SLC25A28: variants seen among roughly 807,000 people sequenced by gnomAD.
The protein encoded by SLC25A28 is solute carrier family 25 member 28, also known as mitoferrin-2.
A neutral mutation model predicts 31.9 loss-of-function variants in SLC25A28; 10 were observed. That is an observed-to-expected ratio of 0.31 (90% CI 0.19 to 0.53). The LOEUF is 0.53. Ranked by LOEUF, SLC25A28 falls within the 20% of genes least tolerant of loss-of-function variation. SLC25A28 has a pLI of 0.95. For missense variants in SLC25A28, 256 were observed against 490.3 expected, an observed-to-expected ratio of 0.52 and a Z score of 4.51; for synonymous variants, 208 against 203.6, an observed-to-expected ratio of 1.02 and a Z score of -0.19.
chr10:99,647,135 T>C, the SLC25A28 span, among the ~76,000 whole-genome samples: 61,836 of 152,102 alleles, frequency 0.41, 12,830 homozygotes, highest in East Asian at 0.6. Flanking sequence ...TTAATGCAGA[T>C]ATCTTTTTGA....
chr10:99,622,553 C>T, upstream of SLC25A28: 1 of 681,004 alleles, frequency 1.5e-6, no homozygotes, highest in Non-Finnish European at 1.8e-6. Context: ...ATTCATTGGT[C>T]ATAAATGACC....
the SLC25A28 span, among the ~76,000 whole-genome samples, chr10:99,635,377 C>T: frequency 3.9e-5 from 6 of 152,080 alleles, no homozygotes; most frequent in South Asian, 2.1e-4. Flanking sequence ...ACAGAGCTGC[C>T]GAATGGATAA....
chr10:99,637,519 C>A, the SLC25A28 span, among the ~76,000 whole-genome samples: 2 of 152,074 alleles, frequency 1.3e-5, no homozygotes, highest in Admixed American at 1.3e-4. Flanking sequence ...ACAATATGAT[C>A]GTTTACCTTG....
chr10:99,648,686 G>GTTT, the SLC25A28 span, among the ~76,000 whole-genome samples: 930 of 119,768 alleles, frequency 7.8e-3, 14 homozygotes, highest in African/African-American at 0.02. Flanking sequence ...ATATTCCTAG[G>GTTT]TTTTTTTTTT....
chr10:99,659,156 T>C, the SLC25A28 span, among the ~76,000 whole-genome samples: 1 of 152,188 alleles, frequency 6.6e-6, no homozygotes, highest in Non-Finnish European at 1.5e-5. This position sits in a 1 kb window ranked among gnomAD's most constrained non-coding sequence, Gnocchi z 4.1. Context: ...GGAGCTACTC[T>C]GTCCCAGGAG....
the SLC25A28 span, among the ~76,000 whole-genome samples, chr10:99,627,170 G>A: frequency 2.6e-5 from 4 of 152,040 alleles, no homozygotes; most frequent in Non-Finnish European, 1.5e-5. Flanking sequence ...GAACCAGGGA[G>A]GCAGAGGTTG....
chr10:99,641,136 G>A, the SLC25A28 span, among the ~76,000 whole-genome samples: 116 of 152,242 alleles, frequency 7.6e-4, no homozygotes, highest in African/African-American at 2.6e-3. Context: ...TTGAGGAATC[G>A]CCACACTATC....
At chr10:99,616,894 T>C in intron 1 of SLC25A28, 1 of 935,764 alleles carries the variant, frequency 1.1e-6, no homozygotes, top group Non-Finnish European at 1.3e-6. Flanking sequence ...TGAATAAATG[T>C]ATGTAAGGTA....
At chr10:99,651,541 T>C in the SLC25A28 span, among the ~76,000 whole-genome samples, 24 of 152,048 alleles carry the variant, frequency 1.6e-4, no homozygotes, top group African/African-American at 5.5e-4. Context: ...ATCTTTTCAT[T>C]CTCTTAGTAG....
At chr10:99,642,516 G>T in the SLC25A28 span, among the ~76,000 whole-genome samples, 1 of 152,172 alleles carries the variant, frequency 6.6e-6, no homozygotes, top group African/African-American at 2.4e-5. Context: ...TCCGCAAACA[G>T]GGACAATTTG....
At chr10:99,615,840 A>T (rs1442008162) in intron 1 of SLC25A28, 1 of 985,274 alleles carries the variant, frequency 1.0e-6, no homozygotes, top group Non-Finnish European at 1.2e-6. Flanking sequence ...ATGTTCAGCA[A>T]TTGCATTGCT....
chr10:99,613,729 T>C lies in SLC25A28; in HGVS notation c.487A>G (p.Ile163Val). The C allele has an allele frequency of 6.2e-7, 1 of 1,614,178 alleles. No homozygotes were observed. Among genetic ancestry groups the C allele is most frequent in the Non-Finnish European group, 8.5e-7 (1 of 1,180,022 alleles). Residue 163 changes from isoleucine (I) to valine (V), a missense_variant, in exon 2 of 4, where the codon ATC (isoleucine) becomes GTC (valine). By Grantham distance (29) the Ile-to-Val change is conservative (BLOSUM62 3). This residue lies in a region of SLC25A28 where 158 missense variants were observed against 379.1 expected (regional missense o/e 0.42). Coordinates refer to ENST00000370495, the MANE Select transcript of SLC25A28 (RefSeq NM_031212.4). The surrounding 1 kb of genome is among the most constrained non-coding windows in gnomAD (Gnocchi z 4.9). ...EKLKKTLSDV[I>V]HPGGNSHIAN... is the part of the protein sequence containing the mutation. ...ATATGGCTATTGCCCCCAGGGTGGATTACATCACTCAATGTCTTTTTTAAC... is the reference window on the plus strand; with the variant it reads ...ATATGGCTATTGCCCCCAGGGTGGACTACATCACTCAATGTCTTTTTTAAC...
rs1266659533 is a variant in SLC25A28, at chr10:99,619,897, T to A, written c.291+148A>T. ...ACTCCCAGCTGGGACCTTGCTTGAA[T>A]GGAGTGTCGGTTCGAATCATGTGGT... On this transcript the variant is annotated intron_variant, in intron 1 of 3. Coordinates refer to ENST00000370495, the MANE Select transcript of SLC25A28 (RefSeq NM_031212.4). 3 of 743,540 alleles carry A rather than the reference T, an allele frequency of 4.0e-6. No homozygotes were observed. In the East Asian group the frequency reaches 1.0e-4, roughly 25 times the overall value. 46.1% of individuals were successfully genotyped at this position (743,540 alleles called of 1,614,324 possible).
At chr10:99,652,580 G>A in the SLC25A28 span, among the ~76,000 whole-genome samples, 2 of 152,142 alleles carry the variant, frequency 1.3e-5, no homozygotes, top group Non-Finnish European at 1.5e-5. Flanking sequence ...GCCAGGAGTG[G>A]AGTCAGAATC....
At chr10:99,651,594 C>CTTTTTTTTT in the SLC25A28 span, among the ~76,000 whole-genome samples, 27 of 110,188 alleles carry the variant, frequency 2.5e-4, 1 homozygote, top group Non-Finnish European at 3.8e-4. Context: ...TTTTTCTTTT[C>CTTTTTTTTT]TTTTTTTTTT....
the SLC25A28 span, among the ~76,000 whole-genome samples, chr10:99,639,712 G>C: frequency 8.9e-6 from 1 of 112,958 alleles, no homozygotes; most frequent in Non-Finnish European, 1.8e-5. Flanking sequence ...GACTGGGCCA[G>C]CACCATGGGT....
chr10:99,653,821 A>G, the SLC25A28 span: 5 of 152,180 alleles, frequency 3.3e-5, no homozygotes, highest in Non-Finnish European at 1.5e-5. Context: ...TGGACCAAAC[A>G]TACCTGTTAA....
the SLC25A28 span, among the ~76,000 whole-genome samples, chr10:99,635,011 A>T: frequency 6.6e-6 from 1 of 152,196 alleles, no homozygotes; most frequent in Non-Finnish European, 1.5e-5. Flanking sequence ...AAACAAAACA[A>T]TTATCAGCCA....
chr10:99,617,438 TG>T (rs1339565219), intron 1 of SLC25A28: 1 of 985,470 alleles, frequency 1.0e-6, no homozygotes, highest in Non-Finnish European at 1.2e-6. Context: ...GCAAACATTG[TG>T]GTTGCCCTTT....
Sources: gnomAD v4.1 joint callset for allele counts (sites outside exome capture counted in the v4.1 genomes callset) on GRCh38, gnomAD v4.1.1 for gene constraint, gnomAD v4.1.1 regional missense constraint, Gnocchi (gnomAD v3.1) non-coding constraint, MANE v1.5 for transcripts, NCBI Gene and HGNC (gene_info 2026-07-23, HGNC 2026-07-21) for gene names.